THSD7B: variants seen among roughly 807,000 people sequenced by gnomAD.
The protein encoded by THSD7B is thrombospondin type-1 domain-containing protein 7B.
THSD7B carries 138 observed loss-of-function variants against 213.6 expected under a neutral mutation model. The observed-to-expected ratio is 0.65, with a 90% CI of 0.56 to 0.74. The LOEUF (loss-of-function observed/expected upper bound fraction) is 0.74, where lower values mean the gene tolerates loss of function less well. Among genes scored for constraint, THSD7B ranks in the 30% least tolerant of loss-of-function variants. THSD7B has a pLI of 0.00. For missense variants in THSD7B, 1,931 were observed against 1,991.5 expected (o/e 0.97, Z 0.58); for synonymous variants, 742 against 687.0 (o/e 1.08, Z -1.25).
chr2:136,988,485 C>T (rs13399203), intron 2 of THSD7B, among the ~76,000 whole-genome samples: 6,285 of 152,286 alleles, frequency 0.041, 274 homozygotes, highest in African/African-American at 0.1. Flanking sequence ...CTCCAACCAG[C>T]GTGTGATCTT....
At chr2:137,103,911 A>C in intron 4 of THSD7B, among the ~76,000 whole-genome samples, 1 of 152,208 alleles carries the variant, frequency 6.6e-6, no homozygotes, top group East Asian at 1.9e-4. Flanking sequence ...CTACAAAGAG[A>C]CTTAGACTCC....
chr2:136,983,147 G>A, intron 2 of THSD7B, among the ~76,000 whole-genome samples: 1 of 150,510 alleles, frequency 6.6e-6, no homozygotes, highest in East Asian at 2.0e-4. Flanking sequence ...TGGTTTATAT[G>A]TAAATATGAA....
At chr2:136,793,639 G>A (rs1682008289) in intron 1 of THSD7B, among the ~76,000 whole-genome samples, 1 of 151,810 alleles carries the variant, frequency 6.6e-6, no homozygotes, top group African/African-American at 2.4e-5. Context: ...TGATCATGTT[G>A]TGTCATCTCT....
At chr2:137,187,174 A>G (rs551281153) in intron 7 of THSD7B, among the ~76,000 whole-genome samples, 1 of 152,258 alleles carries the variant, frequency 6.6e-6, no homozygotes, top group East Asian at 1.9e-4. Context: ...GCCGTTGCCA[A>G]CCCTTTGACA....
chr2:137,399,004 T>C (rs1000870052), intron 12 of THSD7B, among the ~76,000 whole-genome samples: 1 of 152,126 alleles, frequency 6.6e-6, no homozygotes, highest in Non-Finnish European at 1.5e-5. Flanking sequence ...AGTGAGGCAA[T>C]GCCTCGCCCT....
At chr2:137,381,698 G>A (rs764549658) in intron 12 of THSD7B, among the ~76,000 whole-genome samples, 2 of 152,218 alleles carry the variant, frequency 1.3e-5, no homozygotes, top group Non-Finnish European at 2.9e-5. Flanking sequence ...TGGGCTGACT[G>A]AGAGAAAATC....
intron 20 of THSD7B, 89 bp from the exon 21 acceptor site, chr2:137,642,392 AAATGAAG>A: frequency 1.4e-6 from 2 of 1,435,396 alleles, no homozygotes; most frequent in Non-Finnish European, 1.9e-6. Context: ...CAGTCTATTA[AAATGAAG>A]ACTTACATGT....
chr2:136,794,641 C>T (rs983252605), intron 1 of THSD7B, among the ~76,000 whole-genome samples: 1 of 151,822 alleles, frequency 6.6e-6, no homozygotes, highest in African/African-American at 2.4e-5. Context: ...GTTTTATATG[C>T]CCTTGAGAGG....
rs193129358 is a variant in THSD7B, at chr2:137,078,067, A to G, written c.951-16806A>G. On this transcript the variant is annotated intron_variant, in intron 3 of 27. Coordinates refer to ENST00000409968, the MANE Select transcript of THSD7B (RefSeq NM_001316349.2). ...TTGGCTAGCCAGTTTTCCCAGCACC[A>G]TTTATTAAATAGGGAATCATTTCCC... Among the ~76,000 whole-genome samples the G allele has an allele frequency of 6.4e-3, 980 of 152,292 alleles. 11 individuals carry two copies. The highest frequency in any genetic ancestry group is 0.022 in the African/African-American group (932 of 41,550).
At chr2:137,006,746 G>A (rs902636170) in intron 2 of THSD7B, among the ~76,000 whole-genome samples, 2 of 152,134 alleles carry the variant, frequency 1.3e-5, no homozygotes, top group Non-Finnish European at 2.9e-5. Context: ...TTTGTTAAAC[G>A]TTTTACACTT....
chr2:136,981,780 C>T (rs369740475), intron 2 of THSD7B, among the ~76,000 whole-genome samples: 2 of 152,358 alleles, frequency 1.3e-5, no homozygotes, highest in African/African-American at 4.8e-5. Context: ...GAAGACTGCA[C>T]ACCACACCTA....
intron 12 of THSD7B, among the ~76,000 whole-genome samples, chr2:137,313,573 C>T (rs889112408): frequency 1.3e-5 from 2 of 150,610 alleles, no homozygotes; most frequent in Non-Finnish European, 3.0e-5. Context: ...TGATTTTGCT[C>T]ATTAGTTGAT....
chr2:137,523,005 T>G (rs961762622), intron 15 of THSD7B, among the ~76,000 whole-genome samples: 3 of 152,230 alleles, frequency 2.0e-5, no homozygotes, highest in Non-Finnish European at 4.4e-5. Context: ...ATGTTTTGAA[T>G]GAATACACTT....
At position 137,371,746 on chromosome 2, in the gene THSD7B, C is replaced by T. The variant is rs558460885; in HGVS notation, c.2501-33867C>T. Among the ~76,000 whole-genome samples, 4 of 152,190 alleles carry T rather than the reference C, an allele frequency of 2.6e-5. No individual in the cohort carries two copies. In the South Asian group the frequency reaches 8.3e-4, roughly 32 times the overall value. On this transcript the variant is annotated intron_variant, in intron 12 of 27. Coordinates refer to ENST00000409968, the MANE Select transcript of THSD7B (RefSeq NM_001316349.2). ...GAAAGATTTCTTTGACTTAATCTTA[C>T]ATTCTATTGAATTGTTTTTTTAATT...
chr2:137,103,124 GGGCA>G (rs2104926831), intron 4 of THSD7B, among the ~76,000 whole-genome samples: 1 of 152,282 alleles, frequency 6.6e-6, no homozygotes, highest in Admixed American at 6.5e-5. Context: ...AAAATGTTGA[GGGCA>G]GCCGGAGAGA....
At chr2:137,014,369 G>A (rs1179226098) in intron 2 of THSD7B, among the ~76,000 whole-genome samples, 2 of 152,158 alleles carry the variant, frequency 1.3e-5, no homozygotes, top group Non-Finnish European at 2.9e-5. Flanking sequence ...ATGGTCTAGT[G>A]CTCGGGCACC....
intron 12 of THSD7B, among the ~76,000 whole-genome samples, chr2:137,281,113 GT>G (rs1682998478): frequency 6.6e-6 from 1 of 151,966 alleles, no homozygotes; most frequent in African/African-American, 2.4e-5. Flanking sequence ...GTCTTTTTTG[GT>G]TTATTTTCCC....
At chr2:136,840,514 A>C (rs1001803073) in intron 1 of THSD7B, among the ~76,000 whole-genome samples, 1 of 152,182 alleles carries the variant, frequency 6.6e-6, no homozygotes, top group Non-Finnish European at 1.5e-5. Flanking sequence ...GGAGCAGCAC[A>C]AGCAAAGGCA....
At chr2:137,265,759 T>C (rs1391920303) in intron 10 of THSD7B, among the ~76,000 whole-genome samples, 1 of 152,184 alleles carries the variant, frequency 6.6e-6, no homozygotes, top group African/African-American at 2.4e-5. Context: ...TACATGCACA[T>C]GGGGGTGATA....
Sources: gnomAD v4.1 joint callset for allele counts (sites outside exome capture counted in the v4.1 genomes callset) on GRCh38, gnomAD v4.1.1 for gene constraint, MANE v1.5 for transcripts, NCBI Gene and HGNC (gene_info 2026-07-23, HGNC 2026-07-21) for gene names.